The following KHDRBS2 variants were observed in gnomAD, a reference collection of about 807,000 sequenced individuals.
KHDRBS2 encodes KH RNA binding domain containing, signal transduction associated 2.
A neutral mutation model predicts 44.3 loss-of-function variants in KHDRBS2; 26 were observed. The ratio of observed to expected loss-of-function variants is 0.59; its 90% CI spans 0.43 to 0.81. The LOEUF (loss-of-function observed/expected upper bound fraction) is 0.81. KHDRBS2 is among the 40% of genes least tolerant of loss of function. The pLI is 0.00. For missense variants in KHDRBS2, 476 were observed against 433.1 expected (o/e 1.10, Z -0.88); for synonymous variants, 194 against 151.1 (o/e 1.28, Z -2.08).
chr6:61,919,344 C>G (rs1807608280), intron 4 of KHDRBS2, among the ~76,000 whole-genome samples: 1 of 151,738 alleles, frequency 6.6e-6, no homozygotes, highest in Admixed American at 6.6e-5. Flanking sequence ...AGAAATGTGG[C>G]TAAGGGCATG....
At chr6:62,022,965 A>G (rs2127282000) in intron 3 of KHDRBS2, among the ~76,000 whole-genome samples, 1 of 151,824 alleles carries the variant, frequency 6.6e-6, no homozygotes, top group African/African-American at 2.4e-5. Context: ...ATCATCTTCA[A>G]AATTAAGATA....
At chr6:61,569,610 C>T in the KHDRBS2 span, among the ~76,000 whole-genome samples, 2 of 152,146 alleles carry the variant, frequency 1.3e-5, no homozygotes, top group Non-Finnish European at 2.9e-5. Flanking sequence ...CTAGCATAAC[C>T]AGCATTCAAG....
the KHDRBS2 span, among the ~76,000 whole-genome samples, chr6:61,591,428 TAAAACAATAGG>T: frequency 1.3e-5 from 2 of 152,178 alleles, no homozygotes; most frequent in South Asian, 4.1e-4. Flanking sequence ...AAATGAAAAG[TAAAACAATAGG>T]AAAACAAAAT....
Position 61,903,190 on chromosome 6 carries a change from T to C in KHDRBS2, c.484-1819A>G, listed in dbSNP as rs113563242. ...AATATAATGAATTGCCACTACTGAG[T>C]GAACTGACCAGGTACTATCAAAATG... On this transcript the variant is annotated intron_variant, in intron 4 of 8. Transcript: ENST00000281156. Among the ~76,000 whole-genome samples the C allele has an allele frequency of 9.5e-3, 1,446 of 152,316 alleles. 4 individuals are homozygous for C. The highest frequency in any genetic ancestry group is 0.027 in the Middle Eastern group (8 of 294).
the KHDRBS2 span, among the ~76,000 whole-genome samples, chr6:61,631,895 C>G: frequency 1.2e-3 from 178 of 152,150 alleles, no homozygotes; most frequent in African/African-American, 4.1e-3. Flanking sequence ...GAGAAGAAAA[C>G]TATAAATCAA....
chr6:61,872,727 G>T (rs1798838817), intron 6 of KHDRBS2, among the ~76,000 whole-genome samples: 1 of 151,392 alleles, frequency 6.6e-6, no homozygotes, highest in African/African-American at 2.4e-5. Flanking sequence ...ACAAGACCAA[G>T]GTAAGCTAAG....
chr6:61,758,760 G>A (rs565383001), intron 6 of KHDRBS2, among the ~76,000 whole-genome samples: 4 of 152,074 alleles, frequency 2.6e-5, no homozygotes, highest in Admixed American at 6.6e-5. Flanking sequence ...TCTATAAAAC[G>A]AAAATAATAA....
At chr6:62,262,234 C>G (rs1443436691) in intron 1 of KHDRBS2, among the ~76,000 whole-genome samples, 1 of 151,680 alleles carries the variant, frequency 6.6e-6, no homozygotes, top group African/African-American at 2.4e-5. Flanking sequence ...ACACATACCA[C>G]AGTATTTGGA....
Position 61,912,007 on chromosome 6 carries a change from A to G in KHDRBS2, c.484-10636T>C, listed in dbSNP as rs1421746735. 3.3e-5 allele frequency among the ~76,000 whole-genome samples: 5 copies of G among 152,302 alleles called. No homozygotes were observed. In the East Asian group the frequency reaches 9.6e-4, roughly 29 times the overall value. ...CTTTTTCTAACCAACATAAAGCAAC[A>G]ACAATTGTCAGATGGGGAAAGTGAA... On this transcript the variant is annotated intron_variant, in intron 4 of 8. Coordinates refer to ENST00000281156, the MANE Select transcript of KHDRBS2 (RefSeq NM_152688.4).
chr6:62,157,348 C>T (rs967171453), intron 2 of KHDRBS2, among the ~76,000 whole-genome samples: 1 of 151,860 alleles, frequency 6.6e-6, no homozygotes, highest in African/African-American at 2.4e-5. Context: ...TAAGTTAAGC[C>T]CAATGTGCGT....
the KHDRBS2 span, among the ~76,000 whole-genome samples, chr6:61,623,931 G>C: frequency 6.6e-6 from 1 of 152,206 alleles, no homozygotes; most frequent in Admixed American, 6.5e-5. Flanking sequence ...AGAGCTGCAA[G>C]TTAGTCACCT....
chr6:61,959,184 T>C (rs1210931908), intron 4 of KHDRBS2, among the ~76,000 whole-genome samples: 5 of 152,300 alleles, frequency 3.3e-5, no homozygotes, highest in African/African-American at 9.6e-5. Flanking sequence ...CAGGGAGTTA[T>C]TGGATGAGAT....
At chr6:62,046,571 A>G (rs1787745521) in intron 3 of KHDRBS2, among the ~76,000 whole-genome samples, 1 of 151,958 alleles carries the variant, frequency 6.6e-6, no homozygotes, top group Admixed American at 6.6e-5. Context: ...AGTATTTGGG[A>G]AATTCATAAC....
chr6:61,824,593 T>A (rs522914), intron 6 of KHDRBS2, among the ~76,000 whole-genome samples: 90,626 of 151,948 alleles, frequency 0.6, 27,242 homozygotes, highest in South Asian at 0.68. Context: ...AGTGCAGGAT[T>A]CTACTTTGCC....
intron 1 of KHDRBS2, among the ~76,000 whole-genome samples, chr6:62,239,704 G>T (rs1196952110): frequency 1.3e-5 from 2 of 151,736 alleles, no homozygotes; most frequent in Non-Finnish European, 2.9e-5. Flanking sequence ...ATTTATTTTT[G>T]AGATGGAGCC....
At chr6:61,970,896 T>C (rs764817554) in intron 4 of KHDRBS2, among the ~76,000 whole-genome samples, 2 of 152,136 alleles carry the variant, frequency 1.3e-5, no homozygotes, top group Non-Finnish European at 2.9e-5. Flanking sequence ...TAATTTGTTC[T>C]AAGCCTGTGG....
chr6:61,773,472 C>A (rs1398681099), intron 6 of KHDRBS2, among the ~76,000 whole-genome samples: 1 of 152,070 alleles, frequency 6.6e-6, no homozygotes, highest in Non-Finnish European at 1.5e-5. Context: ...ATCCTTTGCC[C>A]ACTTTTTGAT....
intron 1 of KHDRBS2, among the ~76,000 whole-genome samples, chr6:62,273,857 A>G (rs1840483049): frequency 6.6e-6 from 1 of 152,264 alleles, no homozygotes; most frequent in African/African-American, 2.4e-5. Context: ...ATTACCAATG[A>G]GCAACCTAGA....
At chr6:62,238,788 A>AT (rs1462695843) in intron 1 of KHDRBS2, among the ~76,000 whole-genome samples, 109 of 151,964 alleles carry the variant, frequency 7.2e-4, no homozygotes, top group African/African-American at 2.5e-3. Context: ...GAAAATTTTT[A>AT]TTTTTTTAAA....
Sources: allele counts gnomAD v4.1 joint callset (sites outside exome capture counted in the v4.1 genomes callset), GRCh38; gene constraint gnomAD v4.1.1; transcripts MANE v1.5; gene names NCBI Gene and HGNC (gene_info 2026-07-23, HGNC 2026-07-21).